The following SEMA3E variants were observed in gnomAD, a reference collection of about 807,000 sequenced individuals.
The protein encoded by SEMA3E is semaphorin-3E.
A neutral mutation model predicts 93.6 loss-of-function variants in SEMA3E; 49 were observed. The ratio of observed to expected loss-of-function variants is 0.52; its 90% CI spans 0.42 to 0.66. The LOEUF is 0.66. Among genes scored for constraint, SEMA3E ranks in the 30% least tolerant of loss-of-function variants. The pLI is 0.00. For synonymous variants in SEMA3E, 363 were observed against 330.7 expected (o/e 1.10, Z -1.06); for missense variants, 906 against 964.8 (o/e 0.94, Z 0.81).
At chr7:83,539,570 T>C (rs141176729) in intron 1 of SEMA3E, among the ~76,000 whole-genome samples, 151 of 152,044 alleles carry the variant, frequency 9.9e-4, no homozygotes, top group Middle Eastern at 3.4e-3. Flanking sequence ...TCCAGCTTTC[T>C]TGGTTTGCTA....
chr7:83,582,497 A>G (rs1048221234), intron 1 of SEMA3E, among the ~76,000 whole-genome samples: 2 of 152,064 alleles, frequency 1.3e-5, no homozygotes, highest in Non-Finnish European at 2.9e-5. Flanking sequence ...AGTTCTGAGA[A>G]TCAGGAGCCA....
chr7:83,590,560 T>C (rs1792737289), intron 1 of SEMA3E, among the ~76,000 whole-genome samples: 1 of 152,158 alleles, frequency 6.6e-6, no homozygotes, highest in South Asian at 2.1e-4. Context: ...TAATTCCATT[T>C]CCTAGCCCAT....
intron 1 of SEMA3E, among the ~76,000 whole-genome samples, chr7:83,539,019 A>G (rs987979401): frequency 2.6e-5 from 4 of 152,176 alleles, no homozygotes; most frequent in Non-Finnish European, 4.4e-5. Context: ...AAACTGGGCC[A>G]CTAAAAAGTT....
chr7:83,629,227 G>A (rs537460362), intron 1 of SEMA3E, among the ~76,000 whole-genome samples: 6 of 152,284 alleles, frequency 3.9e-5, no homozygotes, highest in Admixed American at 6.5e-5. Context: ...GAGCTCTCCC[G>A]TATGAGGTGT....
In SEMA3E at chr7:83,429,848, A is replaced by G. The variant is rs575543861; in HGVS notation, c.457-11365T>C. 2.6e-5 allele frequency among the ~76,000 whole-genome samples: 4 copies of G among 152,298 alleles called. No individual in the cohort carries two copies. In the South Asian group the frequency reaches 8.3e-4, roughly 32 times the overall value. On this transcript the variant is annotated intron_variant, in intron 4 of 16. Coordinates refer to ENST00000643230, the MANE Select transcript of SEMA3E (RefSeq NM_012431.3). ...TATTCGTTTGTTTTCCTACAACATTAACTCCTACTTATCCAAAAGAAAATG... is the reference window on the plus strand; with the variant it reads ...TATTCGTTTGTTTTCCTACAACATTGACTCCTACTTATCCAAAAGAAAATG...
At chr7:83,409,591 A>G (rs1003019043) in intron 5 of SEMA3E, among the ~76,000 whole-genome samples, 1 of 152,166 alleles carries the variant, frequency 6.6e-6, no homozygotes, top group Non-Finnish European at 1.5e-5. Context: ...ATGCATACAC[A>G]TATTTAAAAT....
At chr7:83,449,257 G>A (rs1444428136) in intron 4 of SEMA3E, among the ~76,000 whole-genome samples, 5 of 151,558 alleles carry the variant, frequency 3.3e-5, no homozygotes, top group African/African-American at 7.3e-5. Flanking sequence ...GCGCCACCAC[G>A]CCTAGCTAAC....
intron 1 of SEMA3E, among the ~76,000 whole-genome samples, chr7:83,607,507 T>C (rs1793148961): frequency 6.6e-6 from 1 of 152,224 alleles, no homozygotes; most frequent in African/African-American, 2.4e-5. Context: ...TTTACCTATG[T>C]AGAGAAAACT....
At chr7:83,577,175 C>T (rs1792421833) in intron 1 of SEMA3E, among the ~76,000 whole-genome samples, 1 of 152,028 alleles carries the variant, frequency 6.6e-6, no homozygotes, top group African/African-American at 2.4e-5. Context: ...TTTGTATCAT[C>T]AGATAATGAT....
At chr7:83,622,312 T>C (rs968657026) in intron 1 of SEMA3E, among the ~76,000 whole-genome samples, 1 of 152,124 alleles carries the variant, frequency 6.6e-6, no homozygotes, top group African/African-American at 2.4e-5. Flanking sequence ...ATGGTGATTA[T>C]TAAAAAGTCA....
At chr7:83,528,314 C>T (rs915728570) in intron 1 of SEMA3E, among the ~76,000 whole-genome samples, 1 of 151,864 alleles carries the variant, frequency 6.6e-6, no homozygotes, top group Non-Finnish European at 1.5e-5. Context: ...GTGTAGCAAC[C>T]GATATTTTCA....
rs79599374 is a variant in SEMA3E at position 83,566,654 on chromosome 7, G to A, written c.116-76380C>T. On this transcript the variant is annotated intron_variant, in intron 1 of 16. Transcript: ENST00000643230. The stretch of plus-strand genomic sequence containing the variant: ...GTGTTATTTGTCCCAACATACTTAC[G>A]TTTTCTAAATTTTAACATGTTTTGA... Among the ~76,000 whole-genome samples the A allele has an allele frequency of 1.8e-3, 272 of 152,108 alleles. 1 individual carries two copies. The highest frequency in any genetic ancestry group is 6.3e-3 in the African/African-American group (261 of 41,494).
At chr7:83,467,057 CTTTTTTTT>C (rs59059670) in intron 3 of SEMA3E, among the ~76,000 whole-genome samples, 3 of 117,146 alleles carry the variant, frequency 2.6e-5, no homozygotes, top group Non-Finnish European at 3.3e-5. Flanking sequence ...AATATGCAGT[CTTTTTTTT>C]TTTTTTTTTT....
Position 83,418,280 on chromosome 7 carries a change from A to G in SEMA3E, c.550+110T>C. ...TTGCTTCGAGCATCAGAAAATAGAT[A>G]TGACAAGGCATAGTATGTAAAGAAA... is the stretch of plus-strand genomic sequence containing the variant. On this transcript the variant is annotated intron_variant, in intron 5 of 16. Transcript: ENST00000643230. 5 of 809,098 alleles carry G rather than the reference A, an allele frequency of 6.2e-6. No individual in the cohort carries two copies. In the Middle Eastern group the frequency reaches 1.1e-3, roughly 182 times the overall value. 50.1% of individuals were successfully genotyped at this position (809,098 alleles called of 1,614,324 possible).
chr7:83,410,041 AAGCTTT>A, intron 5 of SEMA3E, among the ~76,000 whole-genome samples: 1 of 151,706 alleles, frequency 6.6e-6, no homozygotes, highest in Non-Finnish European at 1.5e-5. Context: ...TTAAAAAAAT[AAGCTTT>A]AGAAGTACTA....
At chr7:83,374,169 G>GCA (rs1219858362) in intron 16 of SEMA3E, among the ~76,000 whole-genome samples, 1 of 130,432 alleles carries the variant, frequency 7.7e-6, no homozygotes, top group African/African-American at 3.0e-5. Context: ...TCACGCCATT[G>GCA]CACTCCAGCC....
chr7:83,394,703 C>A (rs866031499), intron 12 of SEMA3E, among the ~76,000 whole-genome samples: 16 of 152,086 alleles, frequency 1.1e-4, no homozygotes, highest in Admixed American at 7.2e-4. Flanking sequence ...TAAAATGAAA[C>A]CATTGTGTCT....
intron 3 of SEMA3E, 46 bp downstream of exon 3, chr7:83,469,197 G>T: frequency 7.1e-7 from 1 of 1,414,156 alleles, no homozygotes; most frequent in Non-Finnish European, 1.0e-6. Context: ...TGGTTAACTA[G>T]GGATATAATT....
chr7:83,549,050 T>C (rs1791708486), intron 1 of SEMA3E, among the ~76,000 whole-genome samples: 1 of 152,016 alleles, frequency 6.6e-6, no homozygotes, highest in African/African-American at 2.4e-5. Context: ...AGTATGCAAA[T>C]AAGAAGGACA....
Sources: gnomAD v4.1 joint callset for allele counts (sites outside exome capture counted in the v4.1 genomes callset) on GRCh38, gnomAD v4.1.1 for gene constraint, MANE v1.5 for transcripts, NCBI Gene and HGNC (gene_info 2026-07-23, HGNC 2026-07-21) for gene names.